Variants in MMP2 observed in about 807,000 individuals in gnomAD.
The protein encoded by MMP2 is matrix metallopeptidase 2, also known as 72 kDa type IV collagenase.
MMP2 carries 39 observed loss-of-function variants against 74.8 expected under a neutral mutation model. That is an observed-to-expected ratio of 0.52 (90% CI 0.40 to 0.68). The LOEUF (loss-of-function observed/expected upper bound fraction) is 0.68, where lower values mean the gene tolerates loss of function less well. Among genes scored for constraint, MMP2 ranks in the 30% least tolerant of loss-of-function variants. The pLI is 0.00. For synonymous variants in MMP2, 367 were observed against 339.8 expected (o/e 1.08, Z -0.88); for missense variants, 803 against 878.3 (o/e 0.91, Z 1.08).
chr16:55,498,369 G>C lies in MMP2; in HGVS notation c.1690G>C (p.Asp564His). The C allele has an allele frequency of 6.2e-7, 1 of 1,614,250 alleles. No homozygotes were observed. Among genetic ancestry groups the C allele is most frequent in the Non-Finnish European group, 8.5e-7 (1 of 1,180,040 alleles). ...ACTGACCAGCCTGGGACTGCCCCCT[G>C]ATGTCCAGCGAGTGGATGCCGCCTT... is the stretch of plus-strand genomic sequence containing the variant. ...KPLTSLGLPPDVQRVDAAFNW... is the reference protein window; with the variant it reads ...KPLTSLGLPPHVQRVDAAFNW... Residue 564 changes from aspartate to histidine, a missense_variant, in exon 11 of 13, where the codon GAT becomes CAT. Asp to His is a moderately conservative substitution (Grantham distance 81, BLOSUM62 -1). Around this residue, in one of 3 missense-constraint regions of MMP2, gnomAD observed 555 missense variants for 592.0 expected, o/e 0.94. Coordinates refer to ENST00000219070, the MANE Select transcript of MMP2 (RefSeq NM_004530.6).
intron 1 of MMP2, chr16:55,481,877 TG>T: frequency 1.3e-6 from 1 of 761,712 alleles, no homozygotes; most frequent in South Asian, 1.4e-5. Flanking sequence ...ACCTAGCACA[TG>T]GTAAGTACTC....
At chr16:55,489,019 CAG>C (rs1291040975) in intron 6 of MMP2, among the ~76,000 whole-genome samples, 3 of 152,192 alleles carry the variant, frequency 2.0e-5, no homozygotes, top group Admixed American at 6.5e-5. Flanking sequence ...GGCTCTCTGG[CAG>C]AGACTTCTCT....
Position 55,505,519 on chromosome 16 carries a change from G to T in MMP2, c.*77G>T. 1 of 1,257,846 alleles carries T rather than the reference G, an allele frequency of 8.0e-7. No individual in the cohort carries two copies. 77.9% of individuals were successfully genotyped at this position (1,257,846 alleles called of 1,614,324 possible). ...GGCCTGGAGAACTAGAGAAGGACCC[G>T]GAGGGGCCTGGCAGCCGTGCCTTCA... On this transcript the variant is annotated 3_prime_UTR_variant, in exon 13 of 13. Coordinates refer to ENST00000219070, the MANE Select transcript of MMP2 (RefSeq NM_004530.6).
At chr16:55,479,653 C>G (rs749628911) in intron 1 of MMP2, 21 bp downstream of exon 1, 41 of 1,613,496 alleles carry the variant, frequency 2.5e-5, no homozygotes, top group Non-Finnish European at 3.2e-5. Flanking sequence ...GCGCTGGCCT[C>G]AAGGAACCAC....
At chr16:55,498,215 G>A in intron 10 of MMP2, 74 bp from the exon 11 acceptor site, 1 of 1,592,148 alleles carries the variant, frequency 6.3e-7, no homozygotes, top group Non-Finnish European at 8.6e-7. Context: ...CCCGTGGACA[G>A]ACAGATGATG....
At chr16:55,499,865 T>TC (rs1309739173) in intron 11 of MMP2, among the ~76,000 whole-genome samples, 1 of 151,898 alleles carries the variant, frequency 6.6e-6, no homozygotes, top group Admixed American at 6.6e-5. Context: ...ATCCCCTCCC[T>TC]CCTGGTATCC....
chr16:55,494,812 C>T (rs1275529243), intron 9 of MMP2, among the ~76,000 whole-genome samples: 1 of 152,204 alleles, frequency 6.6e-6, no homozygotes, highest in Non-Finnish European at 1.5e-5. Flanking sequence ...GAGCACGTCC[C>T]AGTCAAGGAA....
In MMP2 at chr16:55,502,869, C is replaced by A. The variant is rs139606653; in HGVS notation, c.1860C>A (p.Val620=). The A allele has an allele frequency of 6.2e-7, 1 of 1,613,836 alleles. No individual in the cohort carries two copies. The change falls in exon 12 of 13, where the codon GTC becomes GTA. Residue 620 remains valine (V), a synonymous_variant. Coordinates refer to ENST00000219070, the MANE Select transcript of MMP2 (RefSeq NM_004530.6). ...WNAIPDNLDA[V]VDLQGGGHSY... ...CCATCCCCGATAACCTGGATGCCGT[C>A]GTGGACCTGCAGGGCGGCGGTGAGC...
Position 55,498,369 on chromosome 16 carries a change from G to A in MMP2, c.1690G>A (p.Asp564Asn), listed in dbSNP as rs747998815. The A allele has an allele frequency of 6.2e-7, 1 of 1,614,250 alleles. No homozygotes were observed. ...ACTGACCAGCCTGGGACTGCCCCCTGATGTCCAGCGAGTGGATGCCGCCTT... is the reference window on the plus strand; with the variant it reads ...ACTGACCAGCCTGGGACTGCCCCCTAATGTCCAGCGAGTGGATGCCGCCTT... ...KPLTSLGLPP[D>N]VQRVDAAFNW... Residue 564 changes from aspartate (D) to asparagine (N), a missense_variant, in exon 11 of 13, where the codon GAT becomes AAT. Physicochemically the swap from Asp to Asn is conservative, Grantham distance 23. Transcript: ENST00000219070.
intron 9 of MMP2, among the ~76,000 whole-genome samples, chr16:55,495,800 G>A (rs1290640968): frequency 2.6e-5 from 4 of 152,136 alleles, no homozygotes; most frequent in African/African-American, 9.7e-5. Context: ...TGATGTCTTT[G>A]TCCACTGCTA....
At chr16:55,482,002 C>T in intron 1 of MMP2, 1 of 553,430 alleles carries the variant, frequency 1.8e-6, no homozygotes, top group Non-Finnish European at 3.3e-6. Context: ...CTCCTGGCTC[C>T]TTTCAACATT....
intron 8 of MMP2, 99 bp downstream of exon 8, chr16:55,492,055 C>T: frequency 8.0e-7 from 1 of 1,245,130 alleles, no homozygotes; most frequent in Non-Finnish European, 1.1e-6. Context: ...AAGATCTCAT[C>T]CAGCCAGGAG....
intron 1 of MMP2, 24 bp downstream of exon 1, chr16:55,479,656 G>T (rs1962046509): frequency 6.2e-7 from 1 of 1,613,634 alleles, no homozygotes; most frequent in Non-Finnish European, 8.5e-7. Flanking sequence ...CTGGCCTCAA[G>T]GAACCACGTT....
Position 55,489,641 on chromosome 16 carries a change from A to C in MMP2, c.1007-10A>C. 1.2e-6 allele frequency: 2 copies of C among 1,613,940 alleles called. No homozygotes were observed. The highest frequency in any genetic ancestry group is 1.7e-6 in the Non-Finnish European group (2 of 1,180,018). On this transcript the variant is annotated splice_polypyrimidine_tract_variant and intron_variant, in intron 6 of 12. Transcript: ENST00000219070. ...TTGCTGCGCCTTGACCCGTATCCCT[A>C]ACCCCACAGCCATGTCCACTGTTGG...
chr16:55,500,419 A>ACTG (rs1417973901), intron 11 of MMP2, among the ~76,000 whole-genome samples: 4 of 150,952 alleles, frequency 2.6e-5, no homozygotes, highest in Non-Finnish European at 5.9e-5. Context: ...TTTTCCATGC[A>ACTG]CTGTATCTAT....
Position 55,489,739 on chromosome 16 carries a change from C to G in MMP2, c.1095C>G (p.Ser365Arg). The G allele has an allele frequency of 6.2e-7, 1 of 1,614,152 alleles. No individual in the cohort carries two copies. The highest frequency in any genetic ancestry group is 8.5e-7 in the Non-Finnish European group (1 of 1,180,040). Residue 365 changes from serine (S) to arginine (R), a missense_variant, in exon 7 of 13, where the codon AGC becomes AGG. Ser to Arg is a moderately radical substitution (Grantham distance 110, BLOSUM62 -1). This residue lies in a region of MMP2 where 555 missense variants were observed against 592.0 expected (regional missense o/e 0.94). Coordinates refer to ENST00000219070, the MANE Select transcript of MMP2 (RefSeq NM_004530.6). Reference sequence around the variant, plus strand: ...GCAACAAATATGAGAGCTGCACCAGCGCCGGCCGCAGTGACGGAAAGATGT... The same window carrying G: ...GCAACAAATATGAGAGCTGCACCAGGGCCGGCCGCAGTGACGGAAAGATGT... Reference protein sequence around the residue: ...FLGNKYESCTSAGRSDGKMWC... With the variant: ...FLGNKYESCTRAGRSDGKMWC...
intron 5 of MMP2, among the ~76,000 whole-genome samples, chr16:55,486,344 T>C (rs373319624): frequency 4.0e-4 from 35 of 87,418 alleles, no homozygotes; most frequent in South Asian, 1.4e-3. Flanking sequence ...TGTGTGTGTG[T>C]GCCTGTGTGT....
intron 5 of MMP2, among the ~76,000 whole-genome samples, chr16:55,486,001 T>C (rs1299724066): frequency 6.6e-6 from 1 of 152,188 alleles, no homozygotes; most frequent in Non-Finnish European, 1.5e-5. Context: ...TTAAATCAAG[T>C]TGATTTTTTT....
At chr16:55,480,618 G>C (rs1331025803) in intron 1 of MMP2, 2 of 152,446 alleles carry the variant, frequency 1.3e-5, no homozygotes, top group Non-Finnish European at 2.9e-5. Context: ...CCTGAGGAGA[G>C]AGGCAGGCCA....
Sources: allele counts gnomAD v4.1 joint callset (sites outside exome capture counted in the v4.1 genomes callset), GRCh38; gene constraint gnomAD v4.1.1; regional missense constraint gnomAD v4.1.1; transcripts MANE v1.5; gene names NCBI Gene and HGNC (gene_info 2026-07-23, HGNC 2026-07-21).